SRFBP1: variants seen among roughly 807,000 people sequenced by gnomAD.
SRFBP1 encodes the protein serum response factor-binding protein 1.
A neutral mutation model predicts 45.5 loss-of-function variants in SRFBP1; 47 were observed. That is an observed-to-expected ratio of 1.03 (90% CI 0.82 to 1.32). The LOEUF (loss-of-function observed/expected upper bound fraction) is 1.32, where lower values mean the gene tolerates loss of function less well. Ranked by LOEUF, SRFBP1 falls within the 40% of genes most tolerant of loss-of-function variation. The pLI is 0.00. For missense variants in SRFBP1, 621 were observed against 484.6 expected, an observed-to-expected ratio of 1.28 and a Z score of -2.64; for synonymous variants, 203 against 166.3, an observed-to-expected ratio of 1.22 and a Z score of -1.70.
intron 2 of SRFBP1, among the ~76,000 whole-genome samples, chr5:122,042,533 T>A (rs1290257911): frequency 6.6e-6 from 1 of 152,228 alleles, no homozygotes; most frequent in African/African-American, 2.4e-5. Flanking sequence ...ATTACAGGCA[T>A]GAACCACCAC....
At chr5:122,047,516 T>A (rs1357309077) in intron 2 of SRFBP1, among the ~76,000 whole-genome samples, 5 of 152,314 alleles carry the variant, frequency 3.3e-5, no homozygotes, top group South Asian at 4.1e-4. Context: ...CTTAGGATTG[T>A]CTTGGCAATG....
intron 2 of SRFBP1, among the ~76,000 whole-genome samples, chr5:122,052,626 G>A (rs1043561448): frequency 3.3e-5 from 5 of 151,998 alleles, no homozygotes; most frequent in African/African-American, 1.2e-4. Context: ...TTATAATGGC[G>A]ATTTCATCTG....
chr5:122,006,582 C>A (rs1218794964), intron 4 of SRFBP1, among the ~76,000 whole-genome samples: 2 of 151,906 alleles, frequency 1.3e-5, no homozygotes, highest in Admixed American at 6.6e-5. Context: ...TAATTCATTC[C>A]TTTTCATTCT....
At chr5:121,995,091 A>C (rs1438144918) in intron 4 of SRFBP1, among the ~76,000 whole-genome samples, 1 of 151,700 alleles carries the variant, frequency 6.6e-6, no homozygotes, top group Non-Finnish European at 1.5e-5. Flanking sequence ...CACTGTCAAC[A>C]TTAGACAGAT....
rs868822242 is a variant in SRFBP1, at chr5:121,977,159, C to T, written c.198+1772C>T. 2.0e-5 allele frequency among the ~76,000 whole-genome samples: 3 copies of T among 152,076 alleles called. No individual in the cohort carries two copies. In the Middle Eastern group the frequency reaches 0.01, roughly 517 times the overall value. ...GTTTACAAGATTACCACATCACTAT[C>T]GTGGTTTGGTTTGGTTTGGTTTGGT... On this transcript the variant is annotated intron_variant, in intron 3 of 7. Transcript: ENST00000339397.
At chr5:121,982,890 A>G (rs1205638347) in intron 3 of SRFBP1, among the ~76,000 whole-genome samples, 1 of 151,610 alleles carries the variant, frequency 6.6e-6, no homozygotes, top group African/African-American at 2.4e-5. Flanking sequence ...GTAATTCTGG[A>G]AATTTGAACC....
intron 1 of SRFBP1, among the ~76,000 whole-genome samples, chr5:121,972,611 A>T (rs1278940311): frequency 6.6e-6 from 1 of 151,866 alleles, no homozygotes; most frequent in Non-Finnish European, 1.5e-5. Context: ...GCAGGAGTTT[A>T]AGAAATTGGC....
intron 3 of SRFBP1, among the ~76,000 whole-genome samples, chr5:121,980,513 A>G (rs1472970278): frequency 2.6e-5 from 4 of 152,126 alleles, no homozygotes; most frequent in Admixed American, 1.3e-4. Flanking sequence ...CTCTGCTGCA[A>G]TAATTTATTT....
chr5:122,008,105 T>C (rs1204957776), intron 4 of SRFBP1, among the ~76,000 whole-genome samples: 1 of 151,978 alleles, frequency 6.6e-6, no homozygotes, highest in Non-Finnish European at 1.5e-5. Flanking sequence ...ACCTGACAGG[T>C]CTGACAGGGG....
At chr5:121,981,188 G>C (rs1186937768) in intron 3 of SRFBP1, among the ~76,000 whole-genome samples, 1 of 151,708 alleles carries the variant, frequency 6.6e-6, no homozygotes, top group Non-Finnish European at 1.5e-5. Flanking sequence ...TTATTCTGAG[G>C]GCCTCAAGAC....
intron 4 of SRFBP1, among the ~76,000 whole-genome samples, chr5:122,017,190 C>T (rs1753209009): frequency 6.6e-6 from 1 of 152,140 alleles, no homozygotes; most frequent in South Asian, 2.1e-4. Flanking sequence ...GATCACGCTA[C>T]TGCAACTCCA....
rs182374504 is a variant in SRFBP1, at chr5:121,980,660, C to T, written c.198+5273C>T. Among the ~76,000 whole-genome samples the T allele has an allele frequency of 5.0e-3, 762 of 152,102 alleles. 10 individuals carry two copies. The highest frequency in any genetic ancestry group is 0.017 in the African/African-American group (719 of 41,508). ...ATATGCTGGGTAATTTTGGACTGTACCCTGGACATTATGAAGTCGCAGAGA... is the reference window on the plus strand; with the variant it reads ...ATATGCTGGGTAATTTTGGACTGTATCCTGGACATTATGAAGTCGCAGAGA... On this transcript the variant is annotated intron_variant, in intron 3 of 7. Transcript: ENST00000339397.
At chr5:122,014,830 A>C (rs1187287923) in intron 4 of SRFBP1, among the ~76,000 whole-genome samples, 1 of 152,218 alleles carries the variant, frequency 6.6e-6, no homozygotes, top group African/African-American at 2.4e-5. Context: ...GTTATAACTA[A>C]GATGGGAAGA....
intron 5 of SRFBP1, among the ~76,000 whole-genome samples, chr5:122,019,572 C>T (rs913184547): frequency 2.7e-5 from 4 of 150,872 alleles, no homozygotes; most frequent in African/African-American, 4.9e-5. Context: ...TAATATATAT[C>T]TTTTTATATA....
intron 1 of SRFBP1, among the ~76,000 whole-genome samples, chr5:121,969,660 C>T (rs1752147772): frequency 6.6e-6 from 1 of 152,076 alleles, no homozygotes; most frequent in Non-Finnish European, 1.5e-5. Context: ...ACTGTCAGTA[C>T]ATATATATTC....
At chr5:121,971,952 GTGGCA>G (rs764280172) in intron 1 of SRFBP1, among the ~76,000 whole-genome samples, 17 of 151,928 alleles carry the variant, frequency 1.1e-4, no homozygotes, top group Non-Finnish European at 1.9e-4. Flanking sequence ...CTGGATTTGT[GTGGCA>G]TGCAGAAATA....
intron 2 of SRFBP1, chr5:122,065,477 A>G (rs1253509224): frequency 6.6e-6 from 1 of 152,098 alleles, no homozygotes; most frequent in Non-Finnish European, 1.5e-5. Flanking sequence ...ATGGTTTCAC[A>G]GTTTCAAATG....
chr5:122,012,719 G>A (rs1269315325), intron 4 of SRFBP1, among the ~76,000 whole-genome samples: 1 of 152,056 alleles, frequency 6.6e-6, no homozygotes, highest in Admixed American at 6.6e-5. Context: ...GGAATGCCTT[G>A]ATTAAATAAT....
chr5:122,023,544 T>A (rs1753407744), intron 7 of SRFBP1, among the ~76,000 whole-genome samples: 1 of 152,034 alleles, frequency 6.6e-6, no homozygotes, highest in African/African-American at 2.4e-5. Context: ...ACACAACAGG[T>A]CTACTATCTG....
Sources: allele counts gnomAD v4.1 joint callset (sites outside exome capture counted in the v4.1 genomes callset), GRCh38; gene constraint gnomAD v4.1.1; transcripts MANE v1.5; gene names NCBI Gene and HGNC (gene_info 2026-07-23, HGNC 2026-07-21).